The following PRMT3 variants were observed in gnomAD, a reference collection of about 807,000 sequenced individuals.
PRMT3 encodes the protein protein arginine methyltransferase 3, also known as protein arginine N-methyltransferase 3.
PRMT3 carries 62 observed loss-of-function variants against 71.9 expected under a neutral mutation model. That is an observed-to-expected ratio of 0.86 (90% CI 0.70 to 1.07). PRMT3 has a LOEUF of 1.07. Among genes scored for constraint, PRMT3 ranks in the 50% least tolerant of loss-of-function variants. PRMT3 has a pLI of 0.00. For synonymous variants in PRMT3, 213 were observed against 220.4 expected (o/e 0.97, Z 0.30); for missense variants, 663 against 643.0 (o/e 1.03, Z -0.34).
intron 12 of PRMT3, among the ~76,000 whole-genome samples, chr11:20,463,022 T>A (rs1850423150): frequency 6.6e-6 from 1 of 152,104 alleles, no homozygotes; most frequent in African/African-American, 2.4e-5. Flanking sequence ...TGCACCACCA[T>A]GCCTGGCTAA....
At chr11:20,397,787 T>TA (rs1419705314) in intron 7 of PRMT3, 66 bp downstream of exon 7, 3 of 1,552,372 alleles carry the variant, frequency 1.9e-6, no homozygotes, top group African/African-American at 2.8e-5. Context: ...TCTTTCTTAA[T>TA]ATATGTGTGC....
intron 13 of PRMT3, among the ~76,000 whole-genome samples, chr11:20,473,086 A>G (rs1018204863): frequency 1.3e-5 from 2 of 151,956 alleles, no homozygotes; most frequent in African/African-American, 4.8e-5. Flanking sequence ...GACCACGGTA[A>G]TATTCCTTTA....
chr11:20,508,748 G>T lies in PRMT3; in HGVS notation c.*335G>T. On this transcript the variant is annotated 3_prime_UTR_variant, in exon 16 of 16. Coordinates refer to ENST00000331079, the MANE Select transcript of PRMT3 (RefSeq NM_005788.4). ...AGAGATAGTCTTTTGTTTTTAATAA[G>T]TTTCTTACTATAAATTTTAAACAAA... 6.2e-6 allele frequency: 2 copies of T among 325,108 alleles called. No individual in the cohort carries two copies. Among genetic ancestry groups the T allele is most frequent in the African/African-American group, 2.1e-5 (1 of 47,162 alleles). 20.1% of individuals were successfully genotyped at this position (325,108 alleles called of 1,614,324 possible).
chr11:20,465,828 A>G (rs1275609372), intron 13 of PRMT3, among the ~76,000 whole-genome samples: 2 of 152,088 alleles, frequency 1.3e-5, no homozygotes, highest in African/African-American at 2.4e-5. Flanking sequence ...AGTAATTGAA[A>G]TTATTTTTGT....
intron 10 of PRMT3, among the ~76,000 whole-genome samples, chr11:20,443,075 C>T (rs867916264): frequency 2.1e-4 from 32 of 152,298 alleles, no homozygotes; most frequent in African/African-American, 7.5e-4. Flanking sequence ...ATTTGACTTT[C>T]TTACCAACAA....
In PRMT3 at chr11:20,493,899, T is replaced by C. The variant is rs765810991; in HGVS notation, c.1348-20T>C. ...GTAATTCATTTAGTAAGCATTTATA[T>C]TTCTTTTTTTAAAAAACAGGCAATT... On this transcript the variant is annotated intron_variant, in intron 13 of 15. Coordinates refer to ENST00000331079, the MANE Select transcript of PRMT3 (RefSeq NM_005788.4). 2.0e-6 allele frequency: 3 copies of C among 1,508,406 alleles called. No individual in the cohort carries two copies. Among genetic ancestry groups the C allele is most frequent in the Non-Finnish European group, 1.8e-6 (2 of 1,094,566 alleles). 93.4% of individuals were successfully genotyped at this position (1,508,406 alleles called of 1,614,324 possible).
chr11:20,436,368 A>G (rs1436035012), intron 10 of PRMT3, among the ~76,000 whole-genome samples: 3 of 152,162 alleles, frequency 2.0e-5, no homozygotes, highest in Non-Finnish European at 2.9e-5. Context: ...CTTATTCCAT[A>G]TCTAAGAGGA....
Position 20,388,160 on chromosome 11 carries a change from T to A in PRMT3, c.164+6T>A, listed in dbSNP as rs1848639304. 1 of 1,613,802 alleles carries A rather than the reference T, an allele frequency of 6.2e-7. No individual in the cohort carries two copies. Among genetic ancestry groups the A allele is most frequent in the African/African-American group, 1.3e-5 (1 of 75,052 alleles). ...CCCTGCCTGTTCTGTAACAGGTTCGTCCGCCTCAGCGCCTGGCCTCTGCCC... is the reference window on the plus strand; with the variant it reads ...CCCTGCCTGTTCTGTAACAGGTTCGACCGCCTCAGCGCCTGGCCTCTGCCC... On this transcript the variant is annotated splice_donor_region_variant and intron_variant, in intron 2 of 15. Coordinates refer to ENST00000331079, the MANE Select transcript of PRMT3 (RefSeq NM_005788.4).
intron 9 of PRMT3, among the ~76,000 whole-genome samples, chr11:20,412,203 T>C (rs1215306980): frequency 1.3e-5 from 2 of 152,186 alleles, no homozygotes; most frequent in Admixed American, 6.5e-5. Context: ...CAGTGATATT[T>C]GTGTAGACCT....
intron 10 of PRMT3, among the ~76,000 whole-genome samples, chr11:20,434,093 A>C (rs2133362545): frequency 6.6e-6 from 1 of 152,194 alleles, no homozygotes; most frequent in African/African-American, 2.4e-5. Flanking sequence ...ATGGTATCTC[A>C]TTGTGATTTT....
At chr11:20,412,397 AC>A (rs11325795) in intron 9 of PRMT3, among the ~76,000 whole-genome samples, 114,511 of 150,990 alleles carry the variant, frequency 0.76, 44,304 homozygotes, top group Non-Finnish European at 0.82. Context: ...TGTAGTCTGA[AC>A]CCCCCCCCCA....
At chr11:20,399,841 T>A (rs1289035434) in intron 7 of PRMT3, among the ~76,000 whole-genome samples, 4 of 152,202 alleles carry the variant, frequency 2.6e-5, no homozygotes, top group African/African-American at 9.6e-5. Context: ...CATATAGATT[T>A]AAGAAGTTCC....
chr11:20,415,017 G>GGTGTGTGTGTGTGTGT (rs377570784), intron 9 of PRMT3, among the ~76,000 whole-genome samples: 23 of 135,428 alleles, frequency 1.7e-4, no homozygotes, highest in African/African-American at 4.7e-4. Flanking sequence ...TGGTGGTAGT[G>GGTGTGTGTGTGTGTGT]GTGTGTGTGT....
intron 3 of PRMT3, among the ~76,000 whole-genome samples, chr11:20,391,348 T>A (rs189090193): frequency 0.014 from 2,138 of 151,944 alleles, 62 homozygotes; most frequent in African/African-American, 0.049. Context: ...CGGGTTCAAG[T>A]GATTCTCCTG....
chr11:20,436,659 A>T (rs1011638167), intron 10 of PRMT3, among the ~76,000 whole-genome samples: 1 of 150,646 alleles, frequency 6.6e-6, no homozygotes, highest in Admixed American at 6.6e-5. Context: ...TGATCTTCTG[A>T]TGTGCCACAA....
chr11:20,475,284 A>T (rs999452004), intron 13 of PRMT3, among the ~76,000 whole-genome samples: 1 of 152,192 alleles, frequency 6.6e-6, no homozygotes, highest in Non-Finnish European at 1.5e-5. Context: ...AGGAACTTCT[A>T]CTTTCTACAG....
At chr11:20,426,079 A>G (rs963818225) in intron 9 of PRMT3, among the ~76,000 whole-genome samples, 1 of 152,250 alleles carries the variant, frequency 6.6e-6, no homozygotes, top group Admixed American at 6.5e-5. Context: ...TGCTAATCTT[A>G]TGATCAAGTG....
chr11:20,394,799 A>T (rs1312052760), intron 5 of PRMT3, among the ~76,000 whole-genome samples: 1 of 152,022 alleles, frequency 6.6e-6, no homozygotes, highest in Non-Finnish European at 1.5e-5. Context: ...TTTTAATTCC[A>T]CACAAGAGTG....
intron 7 of PRMT3, among the ~76,000 whole-genome samples, chr11:20,399,095 C>T (rs887794753): frequency 5.9e-5 from 9 of 152,206 alleles, no homozygotes; most frequent in South Asian, 4.2e-4. Flanking sequence ...AATGTTGGAA[C>T]GTAAAATTGA....
Sources: gnomAD v4.1 joint callset for allele counts (sites outside exome capture counted in the v4.1 genomes callset) on GRCh38, gnomAD v4.1.1 for gene constraint, MANE v1.5 for transcripts, NCBI Gene and HGNC (gene_info 2026-07-23, HGNC 2026-07-21) for gene names.